SNX25: variants seen among roughly 807,000 people sequenced by gnomAD.
The protein encoded by SNX25 is sorting nexin-25.
In SNX25, 62 loss-of-function variants were observed where a neutral mutation model predicts 113.7. The ratio of observed to expected loss-of-function variants is 0.55; its 90% CI spans 0.44 to 0.67. SNX25 has a LOEUF of 0.67. SNX25 is among the 30% of genes least tolerant of loss of function. The pLI, the probability that SNX25 is intolerant of heterozygous loss-of-function variation, is 0.00. For missense variants in SNX25, 1,014 were observed against 1,161.0 expected (o/e 0.87, Z 1.84); for synonymous variants, 421 against 436.2 (o/e 0.97, Z 0.43).
chr4:185,250,918 T>G (rs1226666919), intron 2 of SNX25, among the ~76,000 whole-genome samples: 1 of 152,148 alleles, frequency 6.6e-6, no homozygotes, highest in East Asian at 1.9e-4. Flanking sequence ...TTAAAAAAAT[T>G]TTAATTGTGT....
At chr4:185,252,413 G>T (rs1209945680) in intron 2 of SNX25, among the ~76,000 whole-genome samples, 1 of 152,032 alleles carries the variant, frequency 6.6e-6, no homozygotes, top group African/African-American at 2.4e-5. Context: ...CAAATTGAGG[G>T]TCTCTGTACA....
chr4:185,343,339 A>G (rs904529449), intron 12 of SNX25, among the ~76,000 whole-genome samples: 5 of 152,242 alleles, frequency 3.3e-5, no homozygotes, highest in Non-Finnish European at 7.3e-5. Flanking sequence ...CATAGTAAAC[A>G]TCATTGTGTT....
At chr4:185,277,508 T>C (rs1749882898) in intron 5 of SNX25, among the ~76,000 whole-genome samples, 1 of 152,086 alleles carries the variant, frequency 6.6e-6, no homozygotes. Flanking sequence ...ATCTCTGTGG[T>C]GTTAATACTC....
chr4:185,286,124 G>A (rs1751318160), intron 5 of SNX25, among the ~76,000 whole-genome samples: 1 of 150,338 alleles, frequency 6.7e-6, no homozygotes, highest in African/African-American at 2.5e-5. Context: ...TTTGTTATGT[G>A]TTTTTTAAAG....
rs1410582889 is a variant in SNX25 at position 185,332,682 on chromosome 4, C to G, written c.1837C>G (p.Arg613Gly). 13 of 1,613,940 alleles carry G rather than the reference C, an allele frequency of 8.1e-6. No homozygotes were observed. The highest frequency in any genetic ancestry group is 1.1e-5 in the Non-Finnish European group (13 of 1,179,948). Residue 613 changes from arginine (R) to glycine (G), a missense_variant, in exon 10 of 19, where the codon CGA (arginine) becomes GGA (glycine). Arg to Gly is a moderately radical substitution (Grantham distance 125). Coordinates refer to ENST00000652585, the MANE Select transcript of SNX25 (RefSeq NM_001378034.2). ...AGCCAGTTTTGCTGTAAACAAACTG[C>G]GAGAACTAAATGAGAAACTTGAATA... Reference protein sequence around the residue: ...EQASFAVNKLRELNEKLEYKR... With the variant: ...EQASFAVNKLGELNEKLEYKR...
chr4:185,274,461 C>G (rs1749381921), intron 5 of SNX25, among the ~76,000 whole-genome samples: 1 of 152,126 alleles, frequency 6.6e-6, no homozygotes, highest in African/African-American at 2.4e-5. Flanking sequence ...TAATTTTATT[C>G]TGGGCAGCCT....
chr4:185,351,353 G>A (rs1180951023), intron 13 of SNX25, 92 bp from the exon 14 acceptor site: 15 of 1,359,424 alleles, frequency 1.1e-5, no homozygotes, highest in African/African-American at 4.4e-5. Flanking sequence ...AAGTAAATTC[G>A]TGACAGCTCT....
rs565917336 is a variant in SNX25 at position 185,261,468 on chromosome 4, C to T, written c.731+2404C>T. Among the ~76,000 whole-genome samples, 42 of 152,250 alleles carry T rather than the reference C, an allele frequency of 2.8e-4. 1 individual carries two copies. The South Asian group carries it at 8.3e-3, about 30-fold the overall frequency. On this transcript the variant is annotated intron_variant, in intron 3 of 18. Transcript: ENST00000652585. ...CTGGGATTACAGTGAGCCACTGTGC[C>T]CGGCTTGAGGACAGTATTTTAAATC...
At chr4:185,205,668 A>C (rs1737156199), upstream of SNX25, among the ~76,000 whole-genome samples, 1 of 152,146 alleles carries the variant, frequency 6.6e-6, no homozygotes, top group Admixed American at 6.6e-5. Context: ...GTCTCTACTA[A>C]AAATACAAAA....
chr4:185,320,939 T>C, intron 8 of SNX25, 75 bp downstream of exon 8: 3 of 1,338,748 alleles, frequency 2.2e-6, no homozygotes, highest in Non-Finnish European at 3.0e-6. Flanking sequence ...CATGTCTGTT[T>C]TTCTCAAGAT....
the SNX25 span, among the ~76,000 whole-genome samples, chr4:185,375,379 C>G: frequency 1.4e-5 from 2 of 139,692 alleles, no homozygotes; most frequent in African/African-American, 5.3e-5. Flanking sequence ...TCACTCGAAC[C>G]CGGGAAGCAG....
Position 185,307,684 on chromosome 4 carries a change from T to C in SNX25, c.1163-2951T>C, listed in dbSNP as rs202053069. 4.6e-5 allele frequency among the ~76,000 whole-genome samples: 7 copies of C among 152,368 alleles called. No individual in the cohort carries two copies. The East Asian group carries it at 1.2e-3, about 25-fold the overall frequency. On this transcript the variant is annotated intron_variant, in intron 6 of 18. Transcript: ENST00000652585. ...TGCTCTGCCTTCCATGTTACTACAG[T>C]GGAGGAGGTAGCCTTTCTCCAAAGC... is the stretch of plus-strand genomic sequence containing the variant.
At chr4:185,321,000 C>A in intron 8 of SNX25, 136 bp downstream of exon 8, 1 of 685,510 alleles carries the variant, frequency 1.5e-6, no homozygotes, top group Non-Finnish European at 2.1e-6. Context: ...ACATTATGTT[C>A]TAGCCCATAA....
chr4:185,348,927 A>G (rs1057103429), intron 13 of SNX25, among the ~76,000 whole-genome samples: 1 of 145,586 alleles, frequency 6.9e-6, no homozygotes, highest in African/African-American at 2.7e-5. Flanking sequence ...ATTTTTTTTC[A>G]GATTATACAG....
intron 1 of SNX25, among the ~76,000 whole-genome samples, chr4:185,241,006 G>A (rs1743850617): frequency 1.3e-5 from 2 of 149,768 alleles, no homozygotes; most frequent in South Asian, 4.4e-4. Context: ...GGGCAGCCAG[G>A]CAGAGAGGCT....
At position 185,363,513 on chromosome 4, in the gene SNX25, T is replaced by C. The variant is rs375613395; in HGVS notation, c.*48T>C. 1.0e-5 allele frequency: 16 copies of C among 1,567,300 alleles called. No homozygotes were observed. Among genetic ancestry groups the C allele is most frequent in the East Asian group, 2.2e-5 (1 of 44,612 alleles). On this transcript the variant is annotated 3_prime_UTR_variant, in exon 19 of 19. Transcript: ENST00000652585. This position sits in a 1 kb window ranked among gnomAD's most constrained non-coding sequence, Gnocchi z 4.2. Reference sequence around the variant, plus strand: ...AAAAATGTCTGTGTAATAATAGACATGAAACATTTTCCTCTTTTCCACAGA... The same window carrying C: ...AAAAATGTCTGTGTAATAATAGACACGAAACATTTTCCTCTTTTCCACAGA...
At chr4:185,345,817 A>G (rs73027794) in intron 12 of SNX25, among the ~76,000 whole-genome samples, 8,893 of 151,970 alleles carry the variant, frequency 0.059, 301 homozygotes, top group African/African-American at 0.078. Flanking sequence ...AAATGCAGTA[A>G]TAGAGCTACA....
intron 6 of SNX25, among the ~76,000 whole-genome samples, chr4:185,305,547 A>T (rs913563753): frequency 6.6e-6 from 1 of 152,170 alleles, no homozygotes; most frequent in Admixed American, 6.5e-5. Context: ...TTGTCGTTAG[A>T]TGTTGCTGTT....
chr4:185,242,578 G>C (rs1744230143), intron 1 of SNX25, among the ~76,000 whole-genome samples: 1 of 152,252 alleles, frequency 6.6e-6, no homozygotes, highest in Non-Finnish European at 1.5e-5. Context: ...CTACGGTGAG[G>C]TATGGGGGAG....
Sources: gnomAD v4.1 joint callset for allele counts (sites outside exome capture counted in the v4.1 genomes callset) on GRCh38, gnomAD v4.1.1 for gene constraint, Gnocchi (gnomAD v3.1) non-coding constraint, MANE v1.5 for transcripts, NCBI Gene and HGNC (gene_info 2026-07-23, HGNC 2026-07-21) for gene names.